Variants in NREP observed in about 807,000 individuals in gnomAD.
NREP encodes neuronal regeneration related protein, also known as neuronal regeneration-related protein.
Under a neutral mutation model 8.6 loss-of-function variants are expected in NREP, and 5 were observed. The observed-to-expected ratio is 0.58, with a 90% CI of 0.30 to 1.22. The LOEUF (loss-of-function observed/expected upper bound fraction) is 1.22. NREP is among the 50% of genes most tolerant of loss of function. NREP has a pLI of 0.07. For missense variants in NREP, 86 were observed against 82.5 expected (o/e 1.04, Z -0.17); for synonymous variants, 27 against 28.0 (o/e 0.96, Z 0.11).
At chr5:111,893,628 CTTAACCAATTAACAAG>C (rs1173389750) in intron 2 of NREP, among the ~76,000 whole-genome samples, 2 of 150,132 alleles carry the variant, frequency 1.3e-5, no homozygotes, top group Non-Finnish European at 3.0e-5. Flanking sequence ...AAATATAACC[CTTAACCAATTAACAAG>C]TTAACCAATT....
chr5:111,815,708 C>T (rs896842608), intron 2 of NREP, among the ~76,000 whole-genome samples: 4 of 151,860 alleles, frequency 2.6e-5, no homozygotes, highest in South Asian at 4.2e-4. Context: ...ATATTCAAAC[C>T]GAAGCACAGA....
chr5:111,754,387 CAT>C (rs781016595), intron 2 of NREP, among the ~76,000 whole-genome samples: 4 of 152,106 alleles, frequency 2.6e-5, no homozygotes, highest in Non-Finnish European at 4.4e-5. Flanking sequence ...GGTCACCTGA[CAT>C]ATTGCAACAT....
intron 2 of NREP, among the ~76,000 whole-genome samples, chr5:111,876,653 A>C (rs765902330): frequency 1.3e-5 from 2 of 152,248 alleles, no homozygotes; most frequent in Non-Finnish European, 2.9e-5. Flanking sequence ...CTCTTATTTA[A>C]AAGTTGTGAG....
intron 2 of NREP, among the ~76,000 whole-genome samples, chr5:111,950,099 C>A (rs532629890): frequency 6.6e-6 from 1 of 152,150 alleles, no homozygotes; most frequent in South Asian, 2.1e-4. Context: ...TCTGTTGTTT[C>A]CTGACTTTTT....
intron 2 of NREP, among the ~76,000 whole-genome samples, chr5:111,750,899 T>C (rs758972564): frequency 6.6e-6 from 1 of 152,212 alleles, no homozygotes; most frequent in Non-Finnish European, 1.5e-5. Flanking sequence ...TTTTGGCAAG[T>C]GCCACACTTT....
At chr5:111,832,910 C>CA (rs1231126968) in intron 2 of NREP, among the ~76,000 whole-genome samples, 2 of 152,168 alleles carry the variant, frequency 1.3e-5, no homozygotes, top group Non-Finnish European at 1.5e-5. Context: ...GGATTAGACT[C>CA]AATCACTCTA....
At chr5:111,814,799 T>C (rs1241523356) in intron 2 of NREP, among the ~76,000 whole-genome samples, 1 of 152,054 alleles carries the variant, frequency 6.6e-6, no homozygotes, top group Non-Finnish European at 1.5e-5. Context: ...TAGGAGTTGA[T>C]GAGAAGAAAC....
chr5:111,927,827 C>A (rs564297163), intron 2 of NREP, among the ~76,000 whole-genome samples: 1 of 152,136 alleles, frequency 6.6e-6, no homozygotes, highest in South Asian at 2.1e-4. Flanking sequence ...AAGGCAGAGG[C>A]CACAGATCCT....
intron 2 of NREP, among the ~76,000 whole-genome samples, chr5:111,804,518 G>A (rs972674733): frequency 6.6e-6 from 1 of 152,138 alleles, no homozygotes; most frequent in Non-Finnish European, 1.5e-5. Flanking sequence ...ATGTATAAAG[G>A]AAAAGATTGA....
chr5:111,891,717 A>C (rs1356929125), intron 2 of NREP, among the ~76,000 whole-genome samples: 1 of 152,210 alleles, frequency 6.6e-6, no homozygotes, highest in Admixed American at 6.5e-5. Context: ...AGGAGTAGGC[A>C]TCTAACATGG....
At chr5:111,828,615 T>C (rs1033753024) in intron 2 of NREP, among the ~76,000 whole-genome samples, 2 of 151,984 alleles carry the variant, frequency 1.3e-5, no homozygotes, top group Non-Finnish European at 2.9e-5. Context: ...GTTGATTGCT[T>C]TGGAAATAAA....
intron 2 of NREP, among the ~76,000 whole-genome samples, chr5:111,841,595 T>A (rs909753438): frequency 1.2e-4 from 18 of 152,088 alleles, no homozygotes; most frequent in African/African-American, 4.3e-4. Context: ...GGGACTTAAT[T>A]TTTTTAAAAA....
chr5:111,872,979 G>T (rs2112499285), intron 2 of NREP, among the ~76,000 whole-genome samples: 1 of 152,214 alleles, frequency 6.6e-6, no homozygotes, highest in South Asian at 2.1e-4. Flanking sequence ...TGGGTCTCAG[G>T]GATAAGGCAT....
At chr5:111,965,462 A>C (rs1214645489) in intron 2 of NREP, among the ~76,000 whole-genome samples, 1 of 152,122 alleles carries the variant, frequency 6.6e-6, no homozygotes, top group Non-Finnish European at 1.5e-5. Flanking sequence ...TATTATGAAA[A>C]ATGAAATATC....
At chr5:111,963,401 G>A (rs1475385105) in intron 2 of NREP, among the ~76,000 whole-genome samples, 4 of 152,212 alleles carry the variant, frequency 2.6e-5, no homozygotes, top group Non-Finnish European at 5.9e-5. Context: ...ACAGGCCTTA[G>A]ACCAAAATAT....
intron 2 of NREP, among the ~76,000 whole-genome samples, chr5:111,924,135 C>T (rs779269310): frequency 1.3e-5 from 2 of 152,104 alleles, no homozygotes; most frequent in African/African-American, 2.4e-5. Flanking sequence ...ACACTAAACC[C>T]GGGTACTTCA....
intron 2 of NREP, among the ~76,000 whole-genome samples, chr5:111,859,772 A>T (rs1753503538): frequency 6.6e-6 from 1 of 152,094 alleles, no homozygotes; most frequent in Admixed American, 6.6e-5. Flanking sequence ...AGGCAACTTT[A>T]TCTGTCCAGT....
At chr5:111,883,089 G>T (rs992054405) in intron 2 of NREP, among the ~76,000 whole-genome samples, 1 of 152,188 alleles carries the variant, frequency 6.6e-6, no homozygotes, top group Non-Finnish European at 1.5e-5. Context: ...GCCATCTCAC[G>T]TGCAGAGACA....
intron 2 of NREP, among the ~76,000 whole-genome samples, chr5:111,923,177 C>A (rs1230601391): frequency 6.6e-6 from 1 of 152,152 alleles, no homozygotes; most frequent in Admixed American, 6.5e-5. Flanking sequence ...TTTTCCTCTG[C>A]TTAATTCAAG....
Sources: allele counts gnomAD v4.1 joint callset (sites outside exome capture counted in the v4.1 genomes callset), GRCh38; gene constraint gnomAD v4.1.1; transcripts MANE v1.5; gene names NCBI Gene and HGNC (gene_info 2026-07-23, HGNC 2026-07-21).